Variants in ANKFN1 observed in about 807,000 individuals in gnomAD.
ANKFN1 encodes the protein ankyrin repeat and fibronectin type III domain containing 1.
Under a neutral mutation model 108.7 loss-of-function variants are expected in ANKFN1, and 74 were observed. That is an observed-to-expected ratio of 0.68 (90% CI 0.56 to 0.83). The LOEUF is 0.83. Ranked by LOEUF, ANKFN1 falls within the 40% of genes least tolerant of loss-of-function variation. The pLI is 0.00. For missense variants in ANKFN1, 1,505 were observed against 1,382.3 expected (o/e 1.09, Z -1.41); for synonymous variants, 547 against 516.2 (o/e 1.06, Z -0.81).
chr17:56,276,080 T>C (rs2043924574), intron 3 of ANKFN1, among the ~76,000 whole-genome samples: 1 of 151,838 alleles, frequency 6.6e-6, no homozygotes, highest in Non-Finnish European at 1.5e-5. Context: ...TGTGTTTTCA[T>C]TGTTCAATTC....
At chr17:56,046,787 G>T (rs1246099733) in intron 4 of ANKFN1, among the ~76,000 whole-genome samples, 1 of 152,102 alleles carries the variant, frequency 6.6e-6, no homozygotes, top group Non-Finnish European at 1.5e-5. Flanking sequence ...AGCTGGAGTT[G>T]CCTGTAATAA....
chr17:56,135,028 GA>G (rs1305288951), intron 4 of ANKFN1, among the ~76,000 whole-genome samples: 2 of 152,164 alleles, frequency 1.3e-5, no homozygotes, highest in African/African-American at 4.8e-5. Flanking sequence ...CCTCAGGCCA[GA>G]AAGTAGAACT....
chr17:56,311,184 T>C (rs1358665612), intron 3 of ANKFN1, among the ~76,000 whole-genome samples: 1 of 152,202 alleles, frequency 6.6e-6, no homozygotes, highest in Admixed American at 6.5e-5. Context: ...TGTGTGTGTG[T>C]GTACCACATT....
chr17:56,185,831 A>C (rs898695741), intron 1 of ANKFN1, among the ~76,000 whole-genome samples: 1 of 152,228 alleles, frequency 6.6e-6, no homozygotes, highest in African/African-American at 2.4e-5. Context: ...ACTTGTAGTA[A>C]AAGCCCTAAT....
chr17:56,482,630 A>G, intron 18 of ANKFN1, 106 bp downstream of exon 18: 1 of 1,373,824 alleles, frequency 7.3e-7, no homozygotes, highest in South Asian at 1.5e-5. Flanking sequence ...AATAAATCAC[A>G]TGATGGCTTT....
intron 3 of ANKFN1, among the ~76,000 whole-genome samples, chr17:56,275,613 G>T (rs1158826201): frequency 6.6e-5 from 10 of 152,182 alleles, no homozygotes; most frequent in Admixed American, 6.6e-4. Flanking sequence ...CGTATAGCAA[G>T]GAGACTGTTT....
At chr17:56,214,582 G>A (rs1164511014) in intron 2 of ANKFN1, among the ~76,000 whole-genome samples, 1 of 152,178 alleles carries the variant, frequency 6.6e-6, no homozygotes, top group Admixed American at 6.5e-5. Flanking sequence ...GAAAAAGAAT[G>A]CTAGTGTCTC....
intron 3 of ANKFN1, among the ~76,000 whole-genome samples, chr17:56,255,490 A>AAAAATG (rs1177600702): frequency 6.6e-6 from 1 of 152,196 alleles, no homozygotes; most frequent in African/African-American, 2.4e-5. Context: ...AACAGACTGG[A>AAAAATG]AAAATGAAAA....
At chr17:56,077,480 G>T (rs1905194268) in intron 4 of ANKFN1, among the ~76,000 whole-genome samples, 9 of 152,072 alleles carry the variant, frequency 5.9e-5, no homozygotes. Flanking sequence ...TTCATAAGTG[G>T]CCCTGCTCTT....
chr17:56,370,613 G>A (rs147315137), intron 6 of ANKFN1, among the ~76,000 whole-genome samples: 2 of 152,126 alleles, frequency 1.3e-5, no homozygotes, highest in African/African-American at 4.8e-5. Context: ...GAAGAAGGAG[G>A]GGGGAGTGGG....
rs34588908 is a variant in ANKFN1 at position 56,091,418 on chromosome 17, T to TCACACACA, written c.288+45130_288+45137dup. Among the ~76,000 whole-genome samples the TCACACACA allele has an allele frequency of 6.0e-3, 828 of 136,912 alleles. 16 individuals carry two copies. Among genetic ancestry groups the TCACACACA allele is most frequent in the Admixed American group, 0.027 (366 of 13,622 alleles). 89.8% of individuals were successfully genotyped at this position (136,912 alleles called of 152,430 possible). A position where few individuals can be genotyped will look rare whatever the true frequency, so the allele number is the denominator to read the frequency against. On this transcript the variant is annotated intron_variant, in intron 4 of 12. Coordinates refer to the ANKFN1 transcript ENST00000635860. ...ATACTTCATTTTTCTTCCAAACAAA[T>TCACACACA]CACACACACACACACACACACACAC...
intron 8 of ANKFN1, among the ~76,000 whole-genome samples, chr17:56,391,888 T>C (rs2047450290): frequency 6.6e-6 from 1 of 152,166 alleles, no homozygotes; most frequent in African/African-American, 2.4e-5. Flanking sequence ...GACATACCCA[T>C]ATATAAAATA....
At chr17:56,220,927 G>T (rs1029294145) in intron 2 of ANKFN1, among the ~76,000 whole-genome samples, 2 of 150,624 alleles carry the variant, frequency 1.3e-5, no homozygotes, top group African/African-American at 2.5e-5. Flanking sequence ...AGGGAGGAAC[G>T]AACGAACGAA....
At chr17:56,138,825 C>A (rs1907751908) in intron 4 of ANKFN1, among the ~76,000 whole-genome samples, 1 of 151,990 alleles carries the variant, frequency 6.6e-6, no homozygotes, top group Non-Finnish European at 1.5e-5. Flanking sequence ...CACTCAACTT[C>A]TATTTGGTTT....
intron 4 of ANKFN1, among the ~76,000 whole-genome samples, chr17:56,127,296 C>T (rs1906995060): frequency 6.6e-6 from 1 of 152,062 alleles, no homozygotes; most frequent in Non-Finnish European, 1.5e-5. Context: ...GATTCCAAGC[C>T]TGAGCTTTTC....
At position 56,234,809 on chromosome 17, in the gene ANKFN1, A is replaced by T. The variant is rs1424291054; in HGVS notation, c.53+6852A>T. Among the ~76,000 whole-genome samples the T allele has an allele frequency of 2.0e-5, 3 of 152,154 alleles. No individual in the cohort carries two copies. The East Asian group carries it at 5.8e-4, about 29-fold the overall frequency. On this transcript the variant is annotated intron_variant, in intron 3 of 20. Coordinates refer to ENST00000682825, the MANE Select transcript of ANKFN1 (RefSeq NM_001370326.1). ...ACTATTGTGACAGGTGTTGCAATGA[A>T]CATTCACATACATGTGTCTTTATGG...
chr17:56,204,757 G>A (rs938185233), intron 1 of ANKFN1, among the ~76,000 whole-genome samples: 3 of 152,002 alleles, frequency 2.0e-5, no homozygotes, highest in African/African-American at 4.8e-5. Flanking sequence ...CTCCCCATCC[G>A]TAATCCCAGC....
intron 4 of ANKFN1, among the ~76,000 whole-genome samples, chr17:56,143,079 C>G (rs1002626404): frequency 6.6e-6 from 1 of 151,694 alleles, no homozygotes; most frequent in Admixed American, 6.6e-5. Context: ...GAAGACATTG[C>G]GAAGAATTCC....
intron 8 of ANKFN1, among the ~76,000 whole-genome samples, chr17:56,413,055 G>A (rs898405282): frequency 1.3e-5 from 2 of 152,002 alleles, no homozygotes; most frequent in Non-Finnish European, 2.9e-5. Context: ...CCCTCCTTCT[G>A]CTAAGTTTGA....
Sources: gnomAD v4.1 joint callset for allele counts (sites outside exome capture counted in the v4.1 genomes callset) on GRCh38, gnomAD v4.1.1 for gene constraint, MANE v1.5 for transcripts, NCBI Gene and HGNC (gene_info 2026-07-23, HGNC 2026-07-21) for gene names.